Variants in ASTN2 observed in about 807,000 individuals in gnomAD.
ASTN2 encodes astrotactin-2.
Under a neutral mutation model 139.8 loss-of-function variants are expected in ASTN2, and 54 were observed. The observed-to-expected ratio is 0.39, with a 90% CI of 0.31 to 0.48. The LOEUF (loss-of-function observed/expected upper bound fraction) is 0.48, where lower values mean the gene tolerates loss of function less well. ASTN2 is among the 20% of genes least tolerant of loss of function. ASTN2 has a pLI of 0.95. For synonymous variants in ASTN2, 756 were observed against 719.5 expected, an observed-to-expected ratio of 1.05 and a Z score of -0.81; for missense variants, 1,565 against 1,725.1, an observed-to-expected ratio of 0.91 and a Z score of 1.64.
intron 13 of ASTN2, among the ~76,000 whole-genome samples, chr9:116,761,259 A>G (rs1829665622): frequency 2.0e-5 from 3 of 152,200 alleles, no homozygotes; most frequent in Admixed American, 6.5e-5. Flanking sequence ...AACACAGATA[A>G]ATGAGACATC....
chr9:116,962,555 T>C (rs554534983), intron 10 of ASTN2, among the ~76,000 whole-genome samples: 1 of 152,334 alleles, frequency 6.6e-6, no homozygotes, highest in South Asian at 2.1e-4. Context: ...GATTGTAGTA[T>C]ATAGACTTCA....
chr9:116,649,263 AG>A (rs1857770285), intron 17 of ASTN2, among the ~76,000 whole-genome samples: 1 of 151,722 alleles, frequency 6.6e-6, no homozygotes, highest in South Asian at 2.1e-4. Flanking sequence ...AAGGGAGGAA[AG>A]GGTGTTGTGC....
At chr9:116,507,648 T>C (rs1850168667) in intron 19 of ASTN2, among the ~76,000 whole-genome samples, 1 of 152,098 alleles carries the variant, frequency 6.6e-6, no homozygotes, top group South Asian at 2.1e-4. Flanking sequence ...AATGAATGGA[T>C]TCCCAGTCCA....
At chr9:116,689,711 A>G (rs1362710083) in intron 16 of ASTN2, among the ~76,000 whole-genome samples, 5 of 152,130 alleles carry the variant, frequency 3.3e-5, no homozygotes, top group Non-Finnish European at 5.9e-5. Context: ...ATTGAACTCT[A>G]AAGTTGGGGG....
chr9:117,043,872 C>A (rs545867719), intron 5 of ASTN2, among the ~76,000 whole-genome samples: 2 of 142,414 alleles, frequency 1.4e-5, no homozygotes, highest in African/African-American at 2.6e-5. Flanking sequence ...CGCACCATTG[C>A]ACTCCAGCTT....
At chr9:116,777,770 C>A (rs1303950870) in intron 13 of ASTN2, among the ~76,000 whole-genome samples, 1 of 152,172 alleles carries the variant, frequency 6.6e-6, no homozygotes, top group African/African-American at 2.4e-5. Context: ...ACCTGAAAAT[C>A]TTTTTAAAAT....
intron 10 of ASTN2, among the ~76,000 whole-genome samples, chr9:116,936,085 T>C (rs1002116128): frequency 9.2e-3 from 3 of 326 alleles, no homozygotes; most frequent in Admixed American, 0.12. Context: ...CCATCACCAC[T>C]ACCACCACCA....
At chr9:117,016,614 A>G (rs1564385703) in intron 6 of ASTN2, among the ~76,000 whole-genome samples, 3 of 8,094 alleles carry the variant, frequency 3.7e-4, no homozygotes, top group East Asian at 6.1e-3. Context: ...CTATATCTAT[A>G]TCTATCTATC....
chr9:116,997,254 C>A (rs1410105897), intron 7 of ASTN2, among the ~76,000 whole-genome samples: 1 of 152,088 alleles, frequency 6.6e-6, no homozygotes, highest in African/African-American at 2.4e-5. Context: ...TTGCAGGCTC[C>A]CTGAAATTTT....
chr9:116,624,283 T>C (rs1231452075), intron 17 of ASTN2, among the ~76,000 whole-genome samples: 7 of 152,102 alleles, frequency 4.6e-5, no homozygotes, highest in Admixed American at 3.9e-4. Context: ...AATGAGGGGG[T>C]AGAAGATATG....
At chr9:116,942,435 T>C (rs917966039) in intron 10 of ASTN2, among the ~76,000 whole-genome samples, 3 of 152,196 alleles carry the variant, frequency 2.0e-5, no homozygotes, top group Non-Finnish European at 2.9e-5. Context: ...TATGACTTGG[T>C]CATTGGCCCG....
intron 2 of ASTN2, among the ~76,000 whole-genome samples, chr9:117,233,715 T>C (rs1245884299): frequency 6.6e-6 from 1 of 152,108 alleles, no homozygotes; most frequent in African/African-American, 2.4e-5. Context: ...ACAAAGGAAT[T>C]GCACTTATGG....
intron 5 of ASTN2, among the ~76,000 whole-genome samples, chr9:117,086,479 C>A (rs571544064): frequency 6.6e-6 from 1 of 152,136 alleles, no homozygotes; most frequent in Non-Finnish European, 1.5e-5. Flanking sequence ...GAGGCTGAGG[C>A]AGGAGAATCG....
intron 1 of ASTN2, among the ~76,000 whole-genome samples, chr9:117,334,805 G>A (rs1828826787): frequency 6.6e-6 from 1 of 152,206 alleles, no homozygotes; most frequent in Admixed American, 6.5e-5. Flanking sequence ...TGTAATCCTA[G>A]CACTTTGGGA....
At chr9:116,892,477 G>A (rs1833784967) in intron 10 of ASTN2, among the ~76,000 whole-genome samples, 1 of 152,134 alleles carries the variant, frequency 6.6e-6, no homozygotes, top group Non-Finnish European at 1.5e-5. Flanking sequence ...GAGAGTGGGT[G>A]GGGTGGCTGG....
intron 2 of ASTN2, among the ~76,000 whole-genome samples, chr9:117,282,618 T>TCA (rs1834352425): frequency 6.7e-6 from 1 of 149,670 alleles, no homozygotes; most frequent in African/African-American, 2.6e-5. Flanking sequence ...CCATGTGATG[T>TCA]GCTTTGGCCG....
intron 11 of ASTN2, among the ~76,000 whole-genome samples, chr9:116,842,338 C>T (rs1303791111): frequency 6.6e-6 from 1 of 152,120 alleles, no homozygotes; most frequent in East Asian, 1.9e-4. Flanking sequence ...TTAATCCCCA[C>T]AAAACTCAGA....
At chr9:116,481,183 C>T (rs1849156868) in intron 20 of ASTN2, among the ~76,000 whole-genome samples, 2 of 152,030 alleles carry the variant, frequency 1.3e-5, no homozygotes, top group African/African-American at 4.8e-5. Flanking sequence ...AGCTCGAGAC[C>T]AGCCTGGGCA....
At chr9:117,005,412 C>T (rs1253276349) in intron 7 of ASTN2, among the ~76,000 whole-genome samples, 1 of 151,984 alleles carries the variant, frequency 6.6e-6, no homozygotes, top group Non-Finnish European at 1.5e-5. Flanking sequence ...ATTTAAAATA[C>T]AAGTTTAATT....
Sources: allele counts gnomAD v4.1 joint callset (sites outside exome capture counted in the v4.1 genomes callset), GRCh38; gene constraint gnomAD v4.1.1; transcripts MANE v1.5; gene names NCBI Gene and HGNC (gene_info 2026-07-23, HGNC 2026-07-21).